RAB5B: variants seen among roughly 807,000 people sequenced by gnomAD.
RAB5B encodes the protein RAB5B, member RAS oncogene family, also known as ras-related protein Rab-5B.
In RAB5B, 11 loss-of-function variants were observed where a neutral mutation model predicts 28.6. The ratio of observed to expected loss-of-function variants is 0.38; its 90% CI spans 0.24 to 0.64. The LOEUF (loss-of-function observed/expected upper bound fraction) is 0.64, where lower values mean the gene tolerates loss of function less well. Ranked by LOEUF, RAB5B falls within the 30% of genes least tolerant of loss-of-function variation. The pLI, the probability that RAB5B is intolerant of heterozygous loss-of-function variation, is 0.53. For synonymous variants in RAB5B, 93 were observed against 97.9 expected (o/e 0.95, Z 0.29); for missense variants, 169 against 265.6 (o/e 0.64, Z 2.53).
intron 1 of RAB5B, among the ~76,000 whole-genome samples, chr12:55,985,383 C>T (rs1889924494): frequency 6.6e-6 from 1 of 152,126 alleles, no homozygotes; most frequent in South Asian, 2.1e-4. Flanking sequence ...CTAGGATCTG[C>T]TTTGGAAAAG....
rs1202138259 is a variant in RAB5B at position 55,995,561 on chromosome 12, G to A, written c.*3349G>A. Reference sequence around the variant, plus strand: ...ACTTCAAACCCTTCAGTCCACCACAGTCTAAAGGTCGAGGGAAGGGAAATG... The same window carrying A: ...ACTTCAAACCCTTCAGTCCACCACAATCTAAAGGTCGAGGGAAGGGAAATG... On this transcript the variant is annotated 3_prime_UTR_variant, in exon 6 of 6. Coordinates refer to ENST00000360299, the MANE Select transcript of RAB5B (RefSeq NM_002868.4). The A allele has an allele frequency of 6.6e-6, 1 of 152,120 alleles. No homozygotes were observed. The highest frequency in any genetic ancestry group is 2.4e-5 in the African/African-American group (1 of 41,408). 9.4% of individuals were successfully genotyped at this position (152,120 alleles called of 1,614,324 possible).
At position 55,992,292 on chromosome 12, in the gene RAB5B, A is replaced by G. The variant is rs11550558; in HGVS notation, c.*80A>G. The G allele has an allele frequency of 0.094, 113,058 of 1,201,218 alleles. 8,247 individuals are homozygous for G. The highest frequency in any genetic ancestry group is 0.36 in the African/African-American group (23,908 of 66,482). The allele number at this position is 1,201,218 out of a possible 1,614,324, so 74.4% of individuals were successfully genotyped here. A position where few individuals can be genotyped will look rare whatever the true frequency, so the allele number is the denominator to read the frequency against. On this transcript the variant is annotated 3_prime_UTR_variant, in exon 6 of 6. Transcript: ENST00000360299. ...CTCCATCCCTACCCCTCAGCACACA[A>G]CCCCTACGGTAACAGCACACTGAGC... is the stretch of plus-strand genomic sequence containing the variant.
At chr12:55,990,403 G>A (rs1212636784) in intron 3 of RAB5B, among the ~76,000 whole-genome samples, 6 of 151,092 alleles carry the variant, frequency 4.0e-5, no homozygotes, top group Admixed American at 1.3e-4. Flanking sequence ...GCAAAACTCC[G>A]CCTCAAAAAA....
chr12:55,987,163 AG>A (rs1045901995), intron 2 of RAB5B, 40 bp downstream of exon 2: 4 of 1,547,596 alleles, frequency 2.6e-6, no homozygotes, highest in South Asian at 2.4e-5. Context: ...ATGTTTGGTA[AG>A]GGTTTTTTTT....
rs764630459 is a variant in RAB5B at position 55,990,150 on chromosome 12, C to T, written c.315+52C>T. ...GTTGGCTGGACATGGTGGCTTACGC[C>T]TATAATCCCAACACTTTAGGATGCC... On this transcript the variant is annotated intron_variant, in intron 3 of 5. Transcript: ENST00000360299. 4.3e-5 allele frequency: 66 copies of T among 1,548,418 alleles called. 1 individual carries two copies. The highest frequency in any genetic ancestry group is 5.7e-5 in the Non-Finnish European group (65 of 1,139,716).
At chr12:55,978,506 GA>G (rs747815542) in intron 1 of RAB5B, among the ~76,000 whole-genome samples, 119 of 141,170 alleles carry the variant, frequency 8.4e-4, no homozygotes, top group Admixed American at 8.5e-4. Context: ...TCCGTCTCAG[GA>G]AAAAAAAAAA....
intron 2 of RAB5B, among the ~76,000 whole-genome samples, chr12:55,989,587 C>G (rs1890049500): frequency 6.6e-6 from 1 of 152,184 alleles, no homozygotes; most frequent in African/African-American, 2.4e-5. Flanking sequence ...GCCCAATCTT[C>G]TAATTAATTC....
At chr12:55,975,915 C>A (rs1019505369) in intron 1 of RAB5B, among the ~76,000 whole-genome samples, 6 of 151,536 alleles carry the variant, frequency 4.0e-5, no homozygotes, top group Non-Finnish European at 5.9e-5. Flanking sequence ...CCACGCCCAG[C>A]TAATTTTTGT....
At chr12:55,980,488 G>C (rs955417491) in intron 1 of RAB5B, 2 of 1,592,418 alleles carry the variant, frequency 1.3e-6, no homozygotes, top group East Asian at 4.5e-5. Context: ...TGGGAGGCTT[G>C]TTGCCGTTTC....
intron 1 of RAB5B, among the ~76,000 whole-genome samples, chr12:55,982,151 A>T (rs984799699): frequency 6.6e-6 from 1 of 151,894 alleles, no homozygotes; most frequent in Non-Finnish European, 1.5e-5. Flanking sequence ...CTTCTGAGCT[A>T]AAAAGGTTGA....
chr12:55,991,331 T>G, intron 4 of RAB5B, 29 bp from the exon 5 acceptor site: 1 of 1,552,272 alleles, frequency 6.4e-7, no homozygotes, highest in Non-Finnish European at 8.9e-7. Flanking sequence ...CCCTACATTC[T>G]GAGCACTAAT....
At chr12:55,980,829 G>A (rs867310019) in intron 1 of RAB5B, 21 of 1,594,880 alleles carry the variant, frequency 1.3e-5, no homozygotes, top group South Asian at 4.4e-5. Context: ...GTCTTGAACC[G>A]CTCTTGGCCA....
At chr12:55,975,095 T>A (rs1889608120) in intron 1 of RAB5B, among the ~76,000 whole-genome samples, 1 of 152,168 alleles carries the variant, frequency 6.6e-6, no homozygotes, top group Admixed American at 6.5e-5. Flanking sequence ...TCCCACTTAA[T>A]AATGTGGTCT....
chr12:55,982,144 C>T (rs1172130945), intron 1 of RAB5B, among the ~76,000 whole-genome samples: 1 of 151,248 alleles, frequency 6.6e-6, no homozygotes, highest in South Asian at 2.1e-4. Context: ...TTCTTCTCTT[C>T]TGAGCTAAAA....
intron 1 of RAB5B, among the ~76,000 whole-genome samples, chr12:55,975,285 G>T (rs1889613851): frequency 6.6e-6 from 1 of 152,184 alleles, no homozygotes; most frequent in Non-Finnish European, 1.5e-5. Context: ...GAGTTAACAG[G>T]TCCGAAACTA....
At chr12:55,974,922 TA>T (rs1484119639) in intron 1 of RAB5B, among the ~76,000 whole-genome samples, 1 of 140,422 alleles carries the variant, frequency 7.1e-6, no homozygotes, top group Non-Finnish European at 1.7e-5. Flanking sequence ...AAGATCAAAG[TA>T]ATTTTTTTTT....
At chr12:55,974,919 A>G (rs1001425334) in intron 1 of RAB5B, among the ~76,000 whole-genome samples, 3 of 141,942 alleles carry the variant, frequency 2.1e-5, no homozygotes, top group African/African-American at 7.3e-5. Context: ...ATGAAGATCA[A>G]AGTAATTTTT....
chr12:55,977,457 T>TA lies in RAB5B; in HGVS notation c.-93+3322dup, dbSNP rs372664399. Among the ~76,000 whole-genome samples the TA allele has an allele frequency of 4.0e-3, 606 of 152,188 alleles. 4 individuals carry two copies. The highest frequency in any genetic ancestry group is 0.014 in the African/African-American group (584 of 41,484). On this transcript the variant is annotated intron_variant, in intron 1 of 5. Coordinates refer to ENST00000360299, the MANE Select transcript of RAB5B (RefSeq NM_002868.4). ...CCTTCAAGTCATACCTCATATCTTT[T>TA]AAAATTTTTTTCCTGGACAATCCCT...
chr12:55,991,911 G>A (rs562571287), intron 5 of RAB5B, 186 bp from the exon 6 acceptor site: 9 of 548,020 alleles, frequency 1.6e-5, no homozygotes, highest in African/African-American at 7.6e-5. Flanking sequence ...TGGCAACAGA[G>A]CGAGACTCCA....
Sources: gnomAD v4.1 joint callset for allele counts (sites outside exome capture counted in the v4.1 genomes callset) on GRCh38, gnomAD v4.1.1 for gene constraint, MANE v1.5 for transcripts, NCBI Gene and HGNC (gene_info 2026-07-23, HGNC 2026-07-21) for gene names.